MCPH1: variants seen among roughly 807,000 people sequenced by gnomAD.
The protein encoded by MCPH1 is microcephalin.
MCPH1 carries 104 observed loss-of-function variants against 84.5 expected under a neutral mutation model. The ratio of observed to expected loss-of-function variants is 1.23; its 90% CI spans 1.05 to 1.45. The LOEUF is 1.45. MCPH1 is among the 40% of genes most tolerant of loss of function. MCPH1 has a pLI of 0.00. For missense variants in MCPH1, 1,498 were observed against 1,005.7 expected, an observed-to-expected ratio of 1.49 and a Z score of -6.62; for synonymous variants, 514 against 366.8, an observed-to-expected ratio of 1.40 and a Z score of -4.58.
At chr8:6,454,554 T>C (rs549261768) in intron 8 of MCPH1, among the ~76,000 whole-genome samples, 9 of 152,338 alleles carry the variant, frequency 5.9e-5, no homozygotes, top group African/African-American at 2.2e-4. Context: ...CATCGTGGGT[T>C]ACTTAGGTCT....
intron 13 of MCPH1, among the ~76,000 whole-genome samples, chr8:6,622,803 GA>G (rs1831601654): frequency 1.3e-5 from 2 of 152,102 alleles, no homozygotes; most frequent in African/African-American, 4.8e-5. Context: ...ATACCAGTCA[GA>G]TTGGATTAGG....
rs1004328548 is a variant in MCPH1, at chr8:6,543,868, C to G, written c.2214+43939C>G. Among the ~76,000 whole-genome samples, 6 of 152,096 alleles carry G rather than the reference C, an allele frequency of 3.9e-5. No homozygotes were observed. The East Asian group carries it at 1.2e-3, about 29-fold the overall frequency. On this transcript the variant is annotated intron_variant, in intron 12 of 13. Coordinates refer to ENST00000344683, the MANE Select transcript of MCPH1 (RefSeq NM_024596.5). The stretch of plus-strand genomic sequence containing the variant: ...GGACTTTAAGGAGCTGTACATCTGC[C>G]TGGGCTTTGCAGAAGCTGAAAGGGC...
chr8:6,574,830 A>G (rs755592948), intron 12 of MCPH1, among the ~76,000 whole-genome samples: 15 of 152,194 alleles, frequency 9.9e-5, no homozygotes, highest in African/African-American at 3.6e-4. Context: ...AAATTCCAGA[A>G]GAAGGGAGAG....
At chr8:6,589,227 C>T (rs1036283406) in intron 12 of MCPH1, among the ~76,000 whole-genome samples, 1 of 152,124 alleles carries the variant, frequency 6.6e-6, no homozygotes, top group Admixed American at 6.5e-5. Context: ...TAATCAATGG[C>T]TTTTTCACTT....
chr8:6,636,685 A>G (rs1797579693), intron 13 of MCPH1, among the ~76,000 whole-genome samples: 1 of 152,140 alleles, frequency 6.6e-6, no homozygotes, highest in Non-Finnish European at 1.5e-5. Flanking sequence ...ATACTGTATA[A>G]AATTACCTCT....
At chr8:6,529,708 A>G (rs1305839520) in intron 12 of MCPH1, among the ~76,000 whole-genome samples, 3 of 144,968 alleles carry the variant, frequency 2.1e-5, no homozygotes, top group African/African-American at 7.7e-5. Context: ...CAAGCGATCC[A>G]CCCACCTCGG....
intron 8 of MCPH1, among the ~76,000 whole-genome samples, chr8:6,451,651 G>A (rs889329757): frequency 6.6e-6 from 1 of 152,088 alleles, no homozygotes; most frequent in African/African-American, 2.4e-5. Flanking sequence ...AGTTTTACTT[G>A]TGTAGAACCC....
At chr8:6,500,673 A>T (rs1811986132) in intron 12 of MCPH1, 1 of 152,174 alleles carries the variant, frequency 6.6e-6, no homozygotes, top group Non-Finnish European at 1.5e-5. Flanking sequence ...CATTTTTAAG[A>T]TTACTGTTTG....
chr8:6,424,608 G>C (rs534370024), intron 3 of MCPH1, among the ~76,000 whole-genome samples: 3 of 152,178 alleles, frequency 2.0e-5, no homozygotes. Flanking sequence ...CCAGTGATAG[G>C]AACGTCCCTC....
intron 12 of MCPH1, among the ~76,000 whole-genome samples, chr8:6,536,333 C>G (rs1820495285): frequency 6.6e-6 from 1 of 152,104 alleles, no homozygotes; most frequent in Non-Finnish European, 1.5e-5. Context: ...GGATGCAGGG[C>G]TGAGCACTGG....
At chr8:6,512,092 C>T (rs747171732) in intron 12 of MCPH1, among the ~76,000 whole-genome samples, 6 of 151,934 alleles carry the variant, frequency 3.9e-5, no homozygotes, top group Admixed American at 2.0e-4. Flanking sequence ...CGGTTGTTGC[C>T]TCTCCAGGAG....
At chr8:6,534,001 C>T (rs1168867448) in intron 12 of MCPH1, among the ~76,000 whole-genome samples, 3 of 152,048 alleles carry the variant, frequency 2.0e-5, no homozygotes, top group Admixed American at 6.6e-5. Context: ...GTTTCCGATG[C>T]CCCCTCGCCA....
intron 9 of MCPH1, chr8:6,473,856 C>G (rs528807406): frequency 1.4e-6 from 2 of 1,471,150 alleles, no homozygotes; most frequent in African/African-American, 1.4e-5. Context: ...GAGTTATAAT[C>G]TTTGATCCAC....
At chr8:6,460,529 A>G (rs1381076329) in intron 9 of MCPH1, among the ~76,000 whole-genome samples, 6 of 152,044 alleles carry the variant, frequency 3.9e-5, no homozygotes, top group Non-Finnish European at 8.8e-5. Context: ...GATTTATAAA[A>G]ACCATTTCCA....
In MCPH1 at chr8:6,507,056, C is replaced by G. The variant is rs190062388; in HGVS notation, c.2214+7127C>G. 2.1e-3 allele frequency among the ~76,000 whole-genome samples: 313 copies of G among 152,144 alleles called. 1 individual carries two copies. Among genetic ancestry groups the G allele is most frequent in the African/African-American group, 7.2e-3 (299 of 41,504 alleles). ...GGGATTACAGGCGTATGCCACCACG[C>G]CTGGCTAATTTTTGTATTTTTAGTA... is the stretch of plus-strand genomic sequence containing the variant. On this transcript the variant is annotated intron_variant, in intron 12 of 13. Coordinates refer to ENST00000344683, the MANE Select transcript of MCPH1 (RefSeq NM_024596.5).
At chr8:6,439,348 T>G (rs1056568118) in intron 6 of MCPH1, among the ~76,000 whole-genome samples, 1 of 131,494 alleles carries the variant, frequency 7.6e-6, no homozygotes, top group African/African-American at 2.6e-5. Flanking sequence ...CTATTATCTT[T>G]GGAATTTTTT....
chr8:6,524,946 C>T (rs1204843815), intron 12 of MCPH1, among the ~76,000 whole-genome samples: 1 of 152,216 alleles, frequency 6.6e-6, no homozygotes, highest in Non-Finnish European at 1.5e-5. Context: ...GTCACAAGGG[C>T]AGACACCCTG....
intron 12 of MCPH1, among the ~76,000 whole-genome samples, chr8:6,510,339 A>G (rs1233310302): frequency 1.3e-5 from 2 of 152,182 alleles, no homozygotes; most frequent in East Asian, 3.8e-4. Flanking sequence ...CGAGGAGCCT[A>G]CAAAGCAAAT....
At chr8:6,499,107 A>C (rs530967593) in intron 11 of MCPH1, among the ~76,000 whole-genome samples, 2 of 150,408 alleles carry the variant, frequency 1.3e-5, no homozygotes, top group East Asian at 3.9e-4. Flanking sequence ...AATAAAATAA[A>C]CATGAATTGT....
Sources: gnomAD v4.1 joint callset for allele counts (sites outside exome capture counted in the v4.1 genomes callset) on GRCh38, gnomAD v4.1.1 for gene constraint, MANE v1.5 for transcripts, NCBI Gene and HGNC (gene_info 2026-07-23, HGNC 2026-07-21) for gene names.